The following RBMX variants were observed in gnomAD, a reference collection of about 807,000 sequenced individuals.
RBMX encodes the protein RNA-binding motif protein, X chromosome.
RBMX carries 1 observed loss-of-function variant against 29.3 expected under a neutral mutation model. That is an observed-to-expected ratio of 0.03 (90% CI 0.01 to 0.16). The LOEUF (loss-of-function observed/expected upper bound fraction) is 0.16, where lower values mean the gene tolerates loss of function less well. Among genes scored for constraint, RBMX ranks in the 10% least tolerant of loss-of-function variants. RBMX has a pLI of 1.00. For missense variants in RBMX, 121 were observed against 333.2 expected (o/e 0.36, Z 4.96); for synonymous variants, 102 against 102.3 (o/e 1.00, Z 0.02).
chrX:136,875,457 C>T lies in RBMX; in HGVS notation c.656+14G>A, dbSNP rs1196779626. ...CCTTAATTATTAATTTAAAAAGCTG[C>T]ACTTTTCTATTACCTGTCTTTAGTA... On this transcript the variant is annotated intron_variant, in intron 6 of 8. Transcript: ENST00000320676. The T allele has an allele frequency of 1.7e-6, 2 of 1,206,671 alleles. No homozygotes were observed. The highest frequency in any genetic ancestry group is 1.1e-6 in the Non-Finnish European group (1 of 894,041).
chrX:136,875,805 T>TG (rs1028546696), intron 5 of RBMX, among the ~76,000 whole-genome samples: 1 of 109,759 alleles, frequency 9.1e-6, no homozygotes, highest in African/African-American at 3.3e-5. Flanking sequence ...CTAAAAGTTT[T>TG]GTTTTTTTTT....
At chrX:136,875,747 ATT>A (rs2077720999) in intron 5 of RBMX, among the ~76,000 whole-genome samples, 162 bp from the exon 6 acceptor site, 1 of 111,088 alleles carries the variant, frequency 9.0e-6, no homozygotes, top group Non-Finnish European at 1.9e-5. Context: ...CATATTTTAA[ATT>A]TTTTTCAGTG....
At chrX:136,875,419 A>G (rs761623664) in intron 6 of RBMX, 36 bp from the exon 7 acceptor site, 4 of 1,206,695 alleles carry the variant, frequency 3.3e-6, no homozygotes, top group Non-Finnish European at 4.5e-6. Context: ...GCTTTTGATA[A>G]GCTTTCCTTC....
rs1603366259 is a variant in RBMX at position 136,874,512 on chromosome X, T to C, written c.866-60A>G. ...TATAAATTGTATATATACAACATTT[T>C]AAATCTGAATTTACAGAATTCTTGT... On this transcript the variant is annotated intron_variant, in intron 8 of 8. Coordinates refer to ENST00000320676, the MANE Select transcript of RBMX (RefSeq NM_002139.4). 3 of 1,135,118 alleles carry C rather than the reference T, an allele frequency of 2.6e-6. No individual in the cohort carries two copies. The African/African-American group carries it at 5.4e-5, about 20-fold the overall frequency. 93.5% of individuals were successfully genotyped at this position (1,135,118 alleles called of 1,213,427 possible).
downstream of RBMX, among the ~76,000 whole-genome samples, chrX:136,871,608 G>A (rs757690741): frequency 1.8e-5 from 2 of 110,404 alleles, no homozygotes; most frequent in South Asian, 3.8e-4. Flanking sequence ...GCACTAACTA[G>A]TAACAACGAA....
downstream of RBMX, chrX:136,872,639 C>T: frequency 3.6e-6 from 1 of 281,574 alleles, no homozygotes; most frequent in South Asian, 7.0e-5. Flanking sequence ...GGAATAAGTG[C>T]AGTATAAGGA....
At chrX:136,876,125 GTTTTTTTT>G (rs778800086) in intron 5 of RBMX, among the ~76,000 whole-genome samples, 1 of 77,729 alleles carries the variant, frequency 1.3e-5, no homozygotes. Flanking sequence ...TTTTTTTTTT[GTTTTTTTT>G]TTTTTTTTGG....
rs1280228273 is a variant in RBMX, at chrX:136,876,661, T to G, written c.389-6A>C. The G allele has an allele frequency of 8.7e-7, 1 of 1,153,784 alleles. No individual in the cohort carries two copies. Among genetic ancestry groups the G allele is most frequent in the African/African-American group, 1.8e-5 (1 of 54,396 alleles). On this transcript the variant is annotated splice_polypyrimidine_tract_variant and splice_region_variant and intron_variant, in intron 4 of 8. Coordinates refer to ENST00000320676, the MANE Select transcript of RBMX (RefSeq NM_002139.4). ...CATGGAATATCCACCGTCATCTGCA[T>G]CAAAAATAGAAAAGAAAAATATTAC...
chrX:136,872,649 AT>A (rs1279691857), downstream of RBMX: 4 of 243,457 alleles, frequency 1.6e-5, no homozygotes, highest in African/African-American at 1.1e-4. Flanking sequence ...CAGTATAAGG[AT>A]TTTTAGTTGG....
In RBMX at chrX:136,873,567, A is replaced by C; in HGVS notation, c.*575T>G. ...GGGAGGTTCTTGCAGATTCCCAAGGAAATGTCAGAAAGGCAAAATGGCCAG... is the reference window on the plus strand; with the variant it reads ...GGGAGGTTCTTGCAGATTCCCAAGGCAATGTCAGAAAGGCAAAATGGCCAG... On this transcript the variant is annotated 3_prime_UTR_variant, in exon 9 of 9. Transcript: ENST00000320676. 2.7e-5 allele frequency: 20 copies of C among 754,642 alleles called. No homozygotes were observed. Among genetic ancestry groups the C allele is most frequent in the Non-Finnish European group, 3.1e-5 (20 of 639,082 alleles). The allele number at this position is 754,642 out of a possible 1,213,427, so 62.2% of individuals were successfully genotyped here.
chrX:136,871,006 T>C (rs762980076), downstream of RBMX, among the ~76,000 whole-genome samples: 57 of 106,700 alleles, frequency 5.3e-4, no homozygotes, highest in African/African-American at 1.8e-3. Context: ...CCCAGCTACT[T>C]GGAAAGCTGA....
chrX:136,875,249 G>C lies in RBMX; in HGVS notation c.782+9C>G, dbSNP rs1405445266. On this transcript the variant is annotated intron_variant, in intron 7 of 8. Transcript: ENST00000320676. Reference sequence around the variant, plus strand: ...CTTACATGTAAGCCACAGAAGCAAAGTCACTTACCTATATCCTCTTGATGG... The same window carrying C: ...CTTACATGTAAGCCACAGAAGCAAACTCACTTACCTATATCCTCTTGATGG... The C allele has an allele frequency of 1.3e-5, 16 of 1,209,842 alleles. No individual in the cohort carries two copies. Among genetic ancestry groups the C allele is most frequent in the African/African-American group, 1.7e-5 (1 of 57,321 alleles).
chrX:136,870,949 AAATAAT>A (rs758011635), downstream of RBMX, among the ~76,000 whole-genome samples: 3 of 107,115 alleles, frequency 2.8e-5, no homozygotes, highest in Non-Finnish European at 3.9e-5. Context: ...CTAAAAATAC[AAATAAT>A]AATAATAATA....
downstream of RBMX, among the ~76,000 whole-genome samples, chrX:136,871,366 C>A (rs1169912696): frequency 1.6e-3 from 161 of 103,237 alleles, no homozygotes; most frequent in Non-Finnish European, 2.9e-3. Context: ...ATGGCGTGAA[C>A]CCGGGAGGCA....
chrX:136,876,902 CAG>C (rs2148712061), intron 4 of RBMX, among the ~76,000 whole-genome samples: 1 of 104,641 alleles, frequency 9.6e-6, no homozygotes, highest in South Asian at 4.6e-4. Flanking sequence ...TAAGTAGAGA[CAG>C]GATTTCACCA....
intron 8 of RBMX, 184 bp downstream of exon 8, chrX:136,874,902 A>G (rs1449603195): frequency 1.1e-6 from 1 of 890,604 alleles, no homozygotes; most frequent in Non-Finnish European, 1.5e-6. Context: ...AAACAGCCTC[A>G]AAAGAAACTT....
downstream of RBMX, among the ~76,000 whole-genome samples, chrX:136,870,976 T>C (rs2077680511): frequency 9.4e-6 from 1 of 106,523 alleles, no homozygotes. Context: ...ATAACCGACA[T>C]AGTGGCAGGC....
chrX:136,871,972 G>A (rs1196963778), downstream of RBMX, among the ~76,000 whole-genome samples: 1 of 111,046 alleles, frequency 9.0e-6, no homozygotes, highest in Non-Finnish European at 1.9e-5. Context: ...TCTTACGTGT[G>A]TACTTCCTTG....
intron 4 of RBMX, among the ~76,000 whole-genome samples, chrX:136,877,201 G>A (rs775088460): frequency 1.9e-5 from 2 of 107,412 alleles, no homozygotes; most frequent in African/African-American, 6.7e-5. Context: ...GTGTGGTGGT[G>A]CATGCCCGTA....
Sources: allele counts gnomAD v4.1 joint callset (sites outside exome capture counted in the v4.1 genomes callset), GRCh38; gene constraint gnomAD v4.1.1; transcripts MANE v1.5; gene names NCBI Gene and HGNC (gene_info 2026-07-23, HGNC 2026-07-21).